The following DENND1A variants were observed in gnomAD, a reference collection of about 807,000 sequenced individuals.
The protein encoded by DENND1A is DENN domain-containing protein 1A.
A neutral mutation model predicts 113.7 loss-of-function variants in DENND1A; 51 were observed. That is an observed-to-expected ratio of 0.45 (90% CI 0.36 to 0.57). DENND1A has a LOEUF of 0.57. Ranked by LOEUF, DENND1A falls within the 20% of genes least tolerant of loss-of-function variation. The pLI is 0.00. For missense variants in DENND1A, 1,258 were observed against 1,395.9 expected (o/e 0.90, Z 1.57); for synonymous variants, 565 against 570.8 (o/e 0.99, Z 0.14).
chr9:123,560,743 T>C (rs935572298), intron 12 of DENND1A, among the ~76,000 whole-genome samples: 2 of 147,024 alleles, frequency 1.4e-5, no homozygotes, highest in Non-Finnish European at 3.0e-5. Context: ...ACTGAGGGGG[T>C]AGTTATCCCA....
intron 12 of DENND1A, among the ~76,000 whole-genome samples, chr9:123,578,702 T>G (rs898787247): frequency 6.6e-6 from 1 of 152,198 alleles, no homozygotes; most frequent in African/African-American, 2.4e-5. Context: ...ACTCAATTAC[T>G]GCTACTCCAA....
intron 5 of DENND1A, among the ~76,000 whole-genome samples, chr9:123,731,437 C>T (rs1209125896): frequency 2.0e-5 from 3 of 152,098 alleles, no homozygotes; most frequent in African/African-American, 7.2e-5. Context: ...TTTGCGAAGG[C>T]ACAAGGATGA....
At chr9:123,802,806 G>A (rs368673915) in intron 2 of DENND1A, among the ~76,000 whole-genome samples, 4 of 151,856 alleles carry the variant, frequency 2.6e-5, no homozygotes, top group East Asian at 1.9e-4. Flanking sequence ...GGGTTCAAGC[G>A]ATTCTCCTGC....
rs1333995685 is a variant in DENND1A, at chr9:123,764,940, G to C, written c.182+4574C>G. ...ATCAACACTGTAGAAAATAATCATG[G>C]GGCACAGCTGAACCTATATTGTATG... On this transcript the variant is annotated intron_variant, in intron 4 of 23. Transcript: ENST00000394215. This position sits in a 1 kb window ranked among gnomAD's most constrained non-coding sequence, Gnocchi z 4.1. 3.3e-5 allele frequency among the ~76,000 whole-genome samples: 5 copies of C among 152,072 alleles called. No homozygotes were observed. Among genetic ancestry groups the C allele is most frequent in the Non-Finnish European group, 7.4e-5 (5 of 68,026 alleles).
chr9:123,523,868 T>C (rs2054591672), intron 13 of DENND1A, among the ~76,000 whole-genome samples: 1 of 152,218 alleles, frequency 6.6e-6, no homozygotes, highest in African/African-American at 2.4e-5. Context: ...AAAACTCTTC[T>C]AGTCCAGAAG....
chr9:123,593,948 C>A (rs1207412937), intron 11 of DENND1A, among the ~76,000 whole-genome samples: 1 of 152,054 alleles, frequency 6.6e-6, no homozygotes, highest in Non-Finnish European at 1.5e-5. Flanking sequence ...GTGTAGCATT[C>A]CCCTCTCTCT....
rs945204148 is a variant in DENND1A, at chr9:123,380,986, G to A, written c.*446C>T. 5.2e-6 allele frequency: 1 copy of A among 193,710 alleles called. No individual in the cohort carries two copies. The highest frequency in any genetic ancestry group is 1.1e-5 in the Non-Finnish European group (1 of 93,594). 12.0% of individuals were successfully genotyped at this position (193,710 alleles called of 1,614,324 possible). A position where few individuals can be genotyped will look rare whatever the true frequency, so the allele number is the denominator to read the frequency against. ...CTCGTGCAGATGAGCTCAAACTGGA[G>A]GGTAACCCTGTCACCTGTGTCCGAG... On this transcript the variant is annotated 3_prime_UTR_variant, in exon 24 of 24. Transcript: ENST00000394215.
At chr9:123,816,175 A>AT (rs765583185) in intron 2 of DENND1A, among the ~76,000 whole-genome samples, 4 of 151,458 alleles carry the variant, frequency 2.6e-5, no homozygotes, top group Admixed American at 1.3e-4. Context: ...TAATTTTTGT[A>AT]TTTTTTTGTA....
At chr9:123,863,219 G>T (rs1016128812) in intron 2 of DENND1A, among the ~76,000 whole-genome samples, 2 of 152,148 alleles carry the variant, frequency 1.3e-5, no homozygotes, top group Non-Finnish European at 2.9e-5. Flanking sequence ...AGGAAAATTA[G>T]GATGGCACTA....
chr9:123,574,186 TTTTTTG>T lies in DENND1A; in HGVS notation c.867+8977_867+8982del, dbSNP rs1309308063. Among the ~76,000 whole-genome samples, 25 of 150,706 alleles carry T rather than the reference TTTTTTG, an allele frequency of 1.7e-4. 1 individual carries two copies. The highest frequency in any genetic ancestry group is 4.6e-4 in the Admixed American group (7 of 15,206). On this transcript the variant is annotated intron_variant, in intron 12 of 23. Coordinates refer to ENST00000394215, the MANE Select transcript of DENND1A (RefSeq NM_001352964.2). ...GTCTGTAGTTGCCTTTTTTTTTTTTTTTTTTGTTTGTAAATTATTTATCTGGTTTTC... is the reference window on the plus strand; with the variant it reads ...GTCTGTAGTTGCCTTTTTTTTTTTTTTTTGTAAATTATTTATCTGGTTTTC...
chr9:123,639,467 A>C (rs1001823241), intron 9 of DENND1A, among the ~76,000 whole-genome samples: 3 of 150,774 alleles, frequency 2.0e-5, no homozygotes, highest in Non-Finnish European at 3.0e-5. Context: ...AAAAAAAAAA[A>C]AAAAAACCTC....
intron 5 of DENND1A, among the ~76,000 whole-genome samples, chr9:123,716,048 G>A (rs2141033023): frequency 6.6e-6 from 1 of 152,248 alleles, no homozygotes; most frequent in African/African-American, 2.4e-5. Flanking sequence ...GCACTCCAGG[G>A]AGCAGCCTCT....
rs1412046439 is a variant in DENND1A, at chr9:123,422,611, C to CCACCGCCTCAG, written c.1489-10793_1489-10783dup. 6.6e-6 allele frequency among the ~76,000 whole-genome samples: 1 copy of CCACCGCCTCAG among 152,122 alleles called. No homozygotes were observed. The highest frequency in any genetic ancestry group is 1.5e-5 in the Non-Finnish European group (1 of 68,032). On this transcript the variant is annotated intron_variant, in intron 19 of 23. Coordinates refer to ENST00000394215, the MANE Select transcript of DENND1A (RefSeq NM_001352964.2). The surrounding 1 kb of genome is among the most constrained non-coding windows in gnomAD (Gnocchi z 4.8). ...TCTATCTGTGTCAAAGTCTACCCAT[C>CCACCGCCTCAG]CACCGCCTCAGCAGAGTTTAAAATC... is the stretch of plus-strand genomic sequence containing the variant.
intron 13 of DENND1A, among the ~76,000 whole-genome samples, chr9:123,532,681 T>C (rs1395173456): frequency 6.6e-6 from 1 of 152,218 alleles, no homozygotes; most frequent in Non-Finnish European, 1.5e-5. Context: ...AAATGGCAGT[T>C]ACCCAACTGC....
At chr9:123,642,170 A>G (rs2062065574) in intron 9 of DENND1A, among the ~76,000 whole-genome samples, 1 of 152,250 alleles carries the variant, frequency 6.6e-6, no homozygotes, top group South Asian at 2.1e-4. Context: ...TTTAACATGA[A>G]TAAGAGAAAA....
chr9:123,392,784 A>G (rs1466696523), intron 21 of DENND1A, among the ~76,000 whole-genome samples: 4 of 152,032 alleles, frequency 2.6e-5, no homozygotes, highest in Non-Finnish European at 4.4e-5. Context: ...CACTGAACCC[A>G]ATTTGTAATC....
chr9:123,448,826 A>C (rs2047495572), intron 18 of DENND1A, among the ~76,000 whole-genome samples: 1 of 152,248 alleles, frequency 6.6e-6, no homozygotes, highest in Admixed American at 6.5e-5. Flanking sequence ...AAAGAAAGGA[A>C]TCAATTCCTT....
In DENND1A at chr9:123,413,407, T is replaced by C. The variant is rs1309033914; in HGVS notation, c.1489-1578A>G. Reference sequence around the variant, plus strand: ...CCCGTATGAAGCTCCCATTATGTTTTTCTTGGACAGTGCTGATATAGGGCT... The same window carrying C: ...CCCGTATGAAGCTCCCATTATGTTTCTCTTGGACAGTGCTGATATAGGGCT... On this transcript the variant is annotated intron_variant, in intron 19 of 23. Transcript: ENST00000394215. The C allele has an allele frequency of 5.1e-6, 5 of 985,238 alleles. No homozygotes were observed. The East Asian group carries it at 5.7e-4, about 112-fold the overall frequency. The allele number at this position is 985,238 out of a possible 1,614,324, so 61.0% of individuals were successfully genotyped here.
rs113217077 is a variant in DENND1A, at chr9:123,894,822, C to G, written c.18-15801G>C. On this transcript the variant is annotated intron_variant, in intron 1 of 23. Coordinates refer to ENST00000394215, the MANE Select transcript of DENND1A (RefSeq NM_001352964.2). The stretch of plus-strand genomic sequence containing the variant: ...TTTTAAGTCTGTACTTTAAAATATT[C>G]CAAACATTTGGGAACCAGTGAGCTA... Among the ~76,000 whole-genome samples, 332 of 152,202 alleles carry G rather than the reference C, an allele frequency of 2.2e-3. 2 individuals carry two copies. The highest frequency in any genetic ancestry group is 6.7e-3 in the African/African-American group (277 of 41,514).
Sources: gnomAD v4.1 joint callset for allele counts (sites outside exome capture counted in the v4.1 genomes callset) on GRCh38, gnomAD v4.1.1 for gene constraint, Gnocchi (gnomAD v3.1) non-coding constraint, MANE v1.5 for transcripts, NCBI Gene and HGNC (gene_info 2026-07-23, HGNC 2026-07-21) for gene names.